Variants in MBD5 observed in about 807,000 individuals in gnomAD.
MBD5 encodes the protein methyl-CpG-binding domain protein 5.
Under a neutral mutation model 117.3 loss-of-function variants are expected in MBD5, and 13 were observed. The ratio of observed to expected loss-of-function variants is 0.11; its 90% CI spans 0.07 to 0.18. The LOEUF (loss-of-function observed/expected upper bound fraction) is 0.18. Among genes scored for constraint, MBD5 ranks in the 10% least tolerant of loss-of-function variants. MBD5 has a pLI of 1.00. For synonymous variants in MBD5, 727 were observed against 766.4 expected (o/e 0.95, Z 0.85); for missense variants, 1,879 against 2,093.8 (o/e 0.90, Z 2.00).
intron 1 of MBD5, among the ~76,000 whole-genome samples, chr2:148,101,983 T>G (rs1173589042): frequency 1.3e-5 from 2 of 152,172 alleles, no homozygotes; most frequent in Non-Finnish European, 2.9e-5. Context: ...AGTCTCAAAT[T>G]AATCCTTTTC....
intron 1 of MBD5, among the ~76,000 whole-genome samples, chr2:148,148,523 T>G (rs906654282): frequency 6.6e-6 from 1 of 152,248 alleles, no homozygotes; most frequent in African/African-American, 2.4e-5. Context: ...TGACAATGTT[T>G]GCCAGTGTTA....
intron 1 of MBD5, among the ~76,000 whole-genome samples, chr2:148,150,358 T>C (rs961382061): frequency 9.3e-5 from 14 of 151,288 alleles, no homozygotes; most frequent in Non-Finnish European, 1.5e-4. Flanking sequence ...GTAGTATAGT[T>C]TGAAGTCAGG....
chr2:148,433,033 G>A (rs1706039433), intron 4 of MBD5, among the ~76,000 whole-genome samples: 1 of 151,862 alleles, frequency 6.6e-6, no homozygotes. Context: ...TATTGTCTCT[G>A]ATTTTTTTGA....
At chr2:148,178,015 A>C (rs1490174101) in intron 1 of MBD5, among the ~76,000 whole-genome samples, 1 of 152,176 alleles carries the variant, frequency 6.6e-6, no homozygotes, top group Non-Finnish European at 1.5e-5. Flanking sequence ...CAAAAAGTAC[A>C]TATTAAGTAT....
chr2:148,100,386 A>G (rs906925497), intron 1 of MBD5, among the ~76,000 whole-genome samples: 1 of 152,212 alleles, frequency 6.6e-6, no homozygotes, highest in Non-Finnish European at 1.5e-5. Flanking sequence ...ATGGCAAATA[A>G]TAACTGAACC....
intron 4 of MBD5, among the ~76,000 whole-genome samples, chr2:148,417,288 CTT>C (rs745409695): frequency 0.15 from 13,655 of 91,526 alleles, 373 homozygotes; most frequent in Middle Eastern, 0.22. Context: ...ATGCACAGCT[CTT>C]TTTTTTTTTT....
chr2:148,041,043 G>A (rs892749495), intron 1 of MBD5, among the ~76,000 whole-genome samples: 17 of 152,090 alleles, frequency 1.1e-4, no homozygotes, highest in African/African-American at 3.9e-4. Context: ...GGTCACTATA[G>A]CCTCAACCTC....
chr2:148,118,435 A>AAATAT (rs1021339753), intron 1 of MBD5, among the ~76,000 whole-genome samples: 1 of 148,490 alleles, frequency 6.7e-6, no homozygotes, highest in African/African-American at 2.5e-5. Flanking sequence ...CATAAAAAAA[A>AAATAT]ATATATATAT....
At chr2:148,144,377 T>G (rs1257059142) in intron 1 of MBD5, among the ~76,000 whole-genome samples, 4 of 152,044 alleles carry the variant, frequency 2.6e-5, no homozygotes, top group Non-Finnish European at 4.4e-5. Context: ...ATTGCAAAAA[T>G]TTTCTCCCAT....
At position 148,514,004 on chromosome 2, in the gene MBD5, A is replaced by G. The variant is rs1682288915; in HGVS notation, c.*1063A>G. 6.6e-6 allele frequency: 1 copy of G among 152,236 alleles called. No individual in the cohort carries two copies. Among genetic ancestry groups the G allele is most frequent in the Non-Finnish European group, 1.5e-5 (1 of 68,034 alleles). The allele number at this position is 152,236 out of a possible 1,614,324, so 9.4% of individuals were successfully genotyped here. A position where few individuals can be genotyped will look rare whatever the true frequency, so the allele number is the denominator to read the frequency against. ...TTTTTTTGTAGTGGCAAATATAAAT[A>G]TGAATCATCAAAGCAAGTTTCATAT... On this transcript the variant is annotated 3_prime_UTR_variant, in exon 14 of 14. Transcript: ENST00000642680.
chr2:148,483,706 A>G lies in MBD5; in HGVS notation c.3115A>G (p.Asn1039Asp). 6.4e-7 allele frequency: 1 copy of G among 1,550,586 alleles called. No homozygotes were observed. The highest frequency in any genetic ancestry group is 8.7e-7 in the Non-Finnish European group (1 of 1,146,982). Reference protein sequence around the residue: ...MTAPPDHLPSNQSDNSRAETL... With the variant: ...MTAPPDHLPSDQSDNSRAETL... ...AGCCCCACCAGACCATTTGCCAAGC[A>G]ATCAGTCAGACAACAGCCGAGCTGA... Residue 1039 changes from asparagine to aspartate, a missense_variant, in exon 9 of 14, where the codon AAT becomes GAT. Coordinates refer to ENST00000642680, the MANE Select transcript of MBD5 (RefSeq NM_001378120.1).
intron 11 of MBD5, among the ~76,000 whole-genome samples, chr2:148,496,187 T>G (rs1031466308): frequency 6.6e-6 from 1 of 152,188 alleles, no homozygotes; most frequent in Non-Finnish European, 1.5e-5. Flanking sequence ...TGCATTTTGG[T>G]TGGTGGTGTG....
intron 12 of MBD5, among the ~76,000 whole-genome samples, chr2:148,503,826 T>C (rs1404520793): frequency 6.6e-6 from 1 of 152,154 alleles, no homozygotes; most frequent in South Asian, 2.1e-4. Flanking sequence ...AAGGTCTGGA[T>C]AAAAGAAGGA....
intron 3 of MBD5, among the ~76,000 whole-genome samples, chr2:148,323,015 T>A (rs887142579): frequency 7.2e-6 from 1 of 139,674 alleles, no homozygotes; most frequent in African/African-American, 2.6e-5. Context: ...CCCACAACAG[T>A]CCCCAGACTG....
At chr2:148,466,640 A>T (rs1393539521) in intron 7 of MBD5, among the ~76,000 whole-genome samples, 1 of 152,140 alleles carries the variant, frequency 6.6e-6, no homozygotes, top group African/African-American at 2.4e-5. Context: ...TGTTCCTTTA[A>T]TTACAAACTT....
At chr2:148,273,410 C>T (rs1250091651) in intron 3 of MBD5, among the ~76,000 whole-genome samples, 2 of 152,092 alleles carry the variant, frequency 1.3e-5, no homozygotes, top group African/African-American at 4.8e-5. Flanking sequence ...TTGTAACTCC[C>T]CACTTGCTCC....
chr2:148,028,337 G>T (rs891941423), intron 1 of MBD5: 1 of 151,962 alleles, frequency 6.6e-6, no homozygotes, highest in East Asian at 1.9e-4. Context: ...CTAGCAATGG[G>T]AGGAAAATTT....
At chr2:148,228,648 C>T (rs1699902057) in intron 2 of MBD5, among the ~76,000 whole-genome samples, 1 of 152,174 alleles carries the variant, frequency 6.6e-6, no homozygotes, top group Admixed American at 6.5e-5. Flanking sequence ...AGGATTCCCT[C>T]TTTTTCTGTT....
chr2:148,294,509 T>TTTTTTGTTTTTTTTTTTTTTTTTTTG lies in MBD5; in HGVS notation c.-679-47700_-679-47699insGTTTTTTTTTTTTTTTTTTTGTTTTT, dbSNP rs750245317. ...AAAGTGCTGGGATTACAGTTTTTTT[T>TTTTTTGTTTTTTTTTTTTTTTTTTTG]TTTTTTTTTTTTGAGATAGAGCTGG... On this transcript the variant is annotated intron_variant, in intron 3 of 13. Transcript: ENST00000642680. 1.2e-3 allele frequency among the ~76,000 whole-genome samples: 160 copies of TTTTTTGTTTTTTTTTTTTTTTTTTTG among 130,006 alleles called. 2 individuals are homozygous for TTTTTTGTTTTTTTTTTTTTTTTTTTG. The highest frequency in any genetic ancestry group is 2.3e-3 in the Non-Finnish European group (140 of 60,702). The allele number at this position is 130,006 out of a possible 152,430, so 85.3% of individuals were successfully genotyped here. A position where few individuals can be genotyped will look rare whatever the true frequency, so the allele number is the denominator to read the frequency against.
Sources: gnomAD v4.1 joint callset for allele counts (sites outside exome capture counted in the v4.1 genomes callset) on GRCh38, gnomAD v4.1.1 for gene constraint, MANE v1.5 for transcripts, NCBI Gene and HGNC (gene_info 2026-07-23, HGNC 2026-07-21) for gene names.